Variants in CLCN5 observed in about 807,000 individuals in gnomAD.
CLCN5 encodes H(+)/Cl(-) exchange transporter 5.
CLCN5 carries 17 observed loss-of-function variants against 54.0 expected under a neutral mutation model. The ratio of observed to expected loss-of-function variants is 0.31; its 90% CI spans 0.22 to 0.47. The LOEUF is 0.47. Among genes scored for constraint, CLCN5 ranks in the 20% least tolerant of loss-of-function variants. The probability of loss-of-function intolerance (pLI) is 1.00; values close to 1 mark genes in which losing one functional copy is unlikely to be tolerated. For missense variants in CLCN5, 448 were observed against 646.7 expected (o/e 0.69, Z 3.33); for synonymous variants, 222 against 233.0 (o/e 0.95, Z 0.43).
chrX:50,070,224 G>A (rs1933175493), intron 5 of CLCN5, among the ~76,000 whole-genome samples, 194 bp downstream of exon 5: 2 of 112,198 alleles, frequency 1.8e-5, no homozygotes, highest in Admixed American at 1.9e-4. Context: ...TATACTTTAA[G>A]TTCTAGGGTA....
At chrX:50,059,381 G>A (rs1932815881) in intron 4 of CLCN5, among the ~76,000 whole-genome samples, 1 of 112,094 alleles carries the variant, frequency 8.9e-6, no homozygotes, top group South Asian at 3.7e-4. Context: ...AAATATTGCT[G>A]TAGGGGCCAC....
Position 50,035,431 on chromosome X carries a change from A to G in CLCN5, c.17-6885A>G, listed in dbSNP as rs1557186412. ...ATTTATTGAACACCTACTCTGAGAC[A>G]ACACTGGAGTTGCCAGAACAATGGA... On this transcript the variant is annotated intron_variant, in intron 3 of 14. Transcript: ENST00000376091. Among the ~76,000 whole-genome samples the G allele has an allele frequency of 4.5e-5, 5 of 111,725 alleles. 1 individual carries two copies. The highest frequency in any genetic ancestry group is 1.9e-4 in the Admixed American group (2 of 10,444).
At chrX:49,972,471 G>A (rs1217575703) in intron 3 of CLCN5, among the ~76,000 whole-genome samples, 1 of 111,743 alleles carries the variant, frequency 8.9e-6, no homozygotes, top group Admixed American at 9.5e-5. Flanking sequence ...AAAAAGTTAT[G>A]AAGCAACCGG....
At position 50,021,168 on chromosome X, in the gene CLCN5, G is replaced by C. The variant is rs1277994741; in HGVS notation, c.17-21148G>C. On this transcript the variant is annotated intron_variant, in intron 3 of 14. Coordinates refer to ENST00000376091, the MANE Select transcript of CLCN5 (RefSeq NM_001127898.4). ...CTTTTCTTTCCTTGAGCAGTGGTTT[G>C]TAGTTCTCCTTGAAGAGGTCCTTCA... Among the ~76,000 whole-genome samples, 18 of 97,619 alleles carry C rather than the reference G, an allele frequency of 1.8e-4. 4 individuals are homozygous for C. The highest frequency in any genetic ancestry group is 8.7e-4 in the African/African-American group (17 of 19,591). The allele number at this position is 97,619 out of a possible 115,157, so 84.8% of individuals were successfully genotyped here.
chrX:50,076,028 ATTTAT>A (rs1933388559), intron 7 of CLCN5, 46 bp downstream of exon 7: 1 of 1,085,458 alleles, frequency 9.2e-7, no homozygotes, highest in Admixed American at 2.2e-5. Context: ...TTCTTCTTAC[ATTTAT>A]TTTATTTCTT....
chrX:50,003,803 TAG>T (rs60773087), intron 3 of CLCN5, among the ~76,000 whole-genome samples: 9,925 of 111,128 alleles, frequency 0.089, 1,126 homozygotes, highest in African/African-American at 0.31. Flanking sequence ...AGGCACAGCC[TAG>T]AGAAGGAAGG....
intron 12 of CLCN5, 78 bp from the exon 13 acceptor site, chrX:50,090,038 G>C: frequency 9.2e-7 from 1 of 1,087,855 alleles, no homozygotes; most frequent in Non-Finnish European, 1.3e-6. Flanking sequence ...TGGTAGGTCA[G>C]CTTTTCCTGG....
At position 49,954,538 on chromosome X, in the gene CLCN5, G is replaced by A. The variant is rs929262329; in HGVS notation, c.16+29224G>A. ...CAGGGCTTGCGAGGGCCTCTGCCCT[G>A]GATCTGTCCTCTCAAGGAGAGACTG... On this transcript the variant is annotated intron_variant, in intron 3 of 14. Transcript: ENST00000376091. Among the ~76,000 whole-genome samples, 6 of 110,816 alleles carry A rather than the reference G, an allele frequency of 5.4e-5. No individual in the cohort carries two copies. In the Admixed American group the frequency reaches 5.8e-4, roughly 11 times the overall value.
rs1928586170 is a variant in CLCN5, at chrX:49,978,495, A to C, written c.16+53181A>C. Among the ~76,000 whole-genome samples the C allele has an allele frequency of 3.6e-5, 4 of 112,282 alleles. No homozygotes were observed. The Admixed American group carries it at 3.8e-4, about 11-fold the overall frequency. ...CACAGCCCTGGGCATCAGTGTCTTC[A>C]TCTATAAAAATAAAAGTGTTATATT... is the stretch of plus-strand genomic sequence containing the variant. On this transcript the variant is annotated intron_variant, in intron 3 of 14. Transcript: ENST00000376091.
At chrX:50,028,553 A>G (rs1931535649) in intron 3 of CLCN5, among the ~76,000 whole-genome samples, 1 of 111,783 alleles carries the variant, frequency 8.9e-6, no homozygotes. Context: ...GTTTCTGTTC[A>G]TGTAAGCTAT....
chrX:50,086,410 A>G lies in CLCN5; in HGVS notation c.1097A>G (p.Asn366Ser). The G allele has an allele frequency of 2.5e-6, 3 of 1,210,582 alleles. No homozygotes were observed. Among genetic ancestry groups the G allele is most frequent in the Non-Finnish European group, 3.4e-6 (3 of 895,046 alleles). The change falls in exon 11 of 15, where the codon AAT (asparagine) becomes AGT (serine). Residue 366 changes from asparagine (N) to serine (S), a missense_variant. By Grantham distance (46) the Asn-to-Ser change is conservative. Around this residue, in one of 5 missense-constraint regions of CLCN5, gnomAD observed 297 missense variants for 470.4 expected, o/e 0.63. Transcript: ENST00000376091. ...GCAGCATTCACTCTACGCTCCATCA[A>G]TCCATTTGGGAACAGCCGCCTGGTA... ...LVAAFTLRSI[N>S]PFGNSRLVLF...
At chrX:49,937,215 G>A (rs782423131) in intron 3 of CLCN5, among the ~76,000 whole-genome samples, 4 of 111,813 alleles carry the variant, frequency 3.6e-5, no homozygotes, top group East Asian at 5.6e-4. Context: ...TTAAGAATTC[G>A]TGTATATGTG....
chrX:50,057,300 A>T (rs1557189086), intron 4 of CLCN5, among the ~76,000 whole-genome samples: 1 of 105,956 alleles, frequency 9.4e-6, no homozygotes, highest in African/African-American at 3.4e-5. Flanking sequence ...TGGCATACAG[A>T]TGCATATCAA....
At chrX:49,991,253 G>C (rs1306895148) in intron 3 of CLCN5, among the ~76,000 whole-genome samples, 1 of 112,028 alleles carries the variant, frequency 8.9e-6, no homozygotes, top group African/African-American at 3.2e-5. Flanking sequence ...GGCCATTCTT[G>C]CTGAGGTAAG....
chrX:49,989,754 G>A (rs1452020068), intron 3 of CLCN5, among the ~76,000 whole-genome samples: 2 of 111,860 alleles, frequency 1.8e-5, no homozygotes, highest in Admixed American at 1.9e-4. Flanking sequence ...TGGTTCCATG[G>A]AGTGTCACAT....
At chrX:49,926,134 G>A (rs1181134557) in intron 3 of CLCN5, among the ~76,000 whole-genome samples, 3 of 112,437 alleles carry the variant, frequency 2.7e-5, no homozygotes, top group African/African-American at 9.7e-5. Context: ...TCAGCAGGTT[G>A]GTTAGTTGGT....
intron 3 of CLCN5, among the ~76,000 whole-genome samples, chrX:49,938,348 A>G (rs1557170126): frequency 8.9e-6 from 1 of 111,979 alleles, no homozygotes; most frequent in Non-Finnish European, 1.9e-5. Context: ...CTAAGCCAAA[A>G]GAACAAAGCT....
At chrX:50,004,769 G>T (rs1204938170) in intron 3 of CLCN5, among the ~76,000 whole-genome samples, 5 of 110,814 alleles carry the variant, frequency 4.5e-5, no homozygotes, top group Admixed American at 9.6e-5. Flanking sequence ...AATTAGTCAG[G>T]CCTGGTGGCA....
At chrX:49,963,293 T>C (rs1331321675) in intron 3 of CLCN5, among the ~76,000 whole-genome samples, 1 of 111,456 alleles carries the variant, frequency 9.0e-6, no homozygotes, top group Non-Finnish European at 1.9e-5. Flanking sequence ...AAGATACTAT[T>C]AAAACAGGTG....
Sources: allele counts gnomAD v4.1 joint callset (sites outside exome capture counted in the v4.1 genomes callset), GRCh38; gene constraint gnomAD v4.1.1; regional missense constraint gnomAD v4.1.1; transcripts MANE v1.5; gene names NCBI Gene and HGNC (gene_info 2026-07-23, HGNC 2026-07-21).